MCF2L: variants seen among roughly 807,000 people sequenced by gnomAD.
MCF2L encodes the protein MCF.2 cell line derived transforming sequence like, also known as guanine nucleotide exchange factor DBS.
In MCF2L, 97 loss-of-function variants were observed where a neutral mutation model predicts 153.4. The observed-to-expected ratio is 0.63, with a 90% confidence interval of 0.54 to 0.75. The LOEUF (loss-of-function observed/expected upper bound fraction) is 0.75. MCF2L is among the 30% of genes least tolerant of loss of function. The pLI, the probability that MCF2L is intolerant of heterozygous loss-of-function variation, is 0.00. For synonymous variants in MCF2L, 659 were observed against 632.2 expected (o/e 1.04, Z -0.64); for missense variants, 1,347 against 1,495.2 (o/e 0.90, Z 1.64).
intron 5 of MCF2L, among the ~76,000 whole-genome samples, chr13:113,061,472 C>T (rs1307467374): frequency 6.6e-6 from 1 of 152,102 alleles, no homozygotes. Context: ...CACCGCAGAG[C>T]ACCCCATGGC....
intron 9 of MCF2L, among the ~76,000 whole-genome samples, chr13:113,071,262 G>T (rs1229835794): frequency 6.6e-6 from 1 of 152,130 alleles, no homozygotes; most frequent in Non-Finnish European, 1.5e-5. Context: ...TTGTTTTACG[G>T]TTTTGTTACA....
At chr13:112,927,937 A>C (rs2081424662) in intron 2 of MCF2L, among the ~76,000 whole-genome samples, 1 of 152,262 alleles carries the variant, frequency 6.6e-6, no homozygotes, top group Non-Finnish European at 1.5e-5. Flanking sequence ...CAGGCTATGG[A>C]CTGGATAAGA....
chr13:113,078,057 T>C (rs771657846), intron 13 of MCF2L, among the ~76,000 whole-genome samples: 6 of 144,478 alleles, frequency 4.2e-5, no homozygotes, highest in Non-Finnish European at 7.7e-5. Flanking sequence ...CACCACCACC[T>C]GTGGCCTCAA....
At chr13:113,079,583 G>A (rs530068553) in intron 15 of MCF2L, among the ~76,000 whole-genome samples, 4 of 152,214 alleles carry the variant, frequency 2.6e-5, no homozygotes, top group Admixed American at 6.5e-5. Context: ...CGCAGGCAGC[G>A]CCAGTGTGAC....
intron 4 of MCF2L, among the ~76,000 whole-genome samples, chr13:113,058,478 G>T (rs557125820): frequency 6.6e-6 from 1 of 150,690 alleles, no homozygotes; most frequent in African/African-American, 2.4e-5. Flanking sequence ...GTGCTTAGGT[G>T]CTGTGTGTTT....
At chr13:113,019,731 CT>C (rs746358127) in intron 2 of MCF2L, among the ~76,000 whole-genome samples, 6 of 152,124 alleles carry the variant, frequency 3.9e-5, no homozygotes, top group Non-Finnish European at 7.4e-5. Flanking sequence ...GAGGTGAGGC[CT>C]TTGGGAGGAG....
chr13:112,965,501 G>A (rs12430334), upstream of MCF2L: 888 of 152,296 alleles, frequency 5.8e-3, 10 homozygotes, highest in East Asian at 0.036. Flanking sequence ...GTGTTGTCCC[G>A]CGGGGCTCTC....
Position 113,070,227 on chromosome 13 carries a change from G to A in MCF2L, c.996+54G>A, listed in dbSNP as rs2032761021. The A allele has an allele frequency of 7.9e-7, 1 of 1,259,850 alleles. No homozygotes were observed. The highest frequency in any genetic ancestry group is 1.4e-5 in the South Asian group (1 of 70,280). 78.0% of individuals were successfully genotyped at this position (1,259,850 alleles called of 1,614,324 possible). On this transcript the variant is annotated intron_variant, in intron 9 of 29. Transcript: ENST00000535094. This position sits in a 1 kb window ranked among gnomAD's most constrained non-coding sequence, Gnocchi z 5.6. The stretch of plus-strand genomic sequence containing the variant: ...CGCCCTGATGCTCACGGGGCCTCCT[G>A]TGCCTGCGCCCTGGTCCCAGTGCCG...
intron 21 of MCF2L, among the ~76,000 whole-genome samples, chr13:113,086,609 C>T (rs574614562): frequency 1.3e-5 from 2 of 152,158 alleles, no homozygotes; most frequent in African/African-American, 4.8e-5. Flanking sequence ...TTCTGGGCTG[C>T]GATTTGCAGG....
At chr13:113,044,842 T>C (rs1012803991) in intron 3 of MCF2L, 2 of 1,612,814 alleles carry the variant, frequency 1.2e-6, no homozygotes, top group Non-Finnish European at 1.7e-6. Context: ...GAGTGAATCC[T>C]TAACGTGGAC....
chr13:112,897,261 G>A (rs868525558), intron 1 of MCF2L, among the ~76,000 whole-genome samples: 1 of 150,932 alleles, frequency 6.6e-6, no homozygotes, highest in Non-Finnish European at 1.5e-5. Flanking sequence ...TACGGGACAC[G>A]GTATGGCCAC....
At chr13:112,974,786 A>G (rs541129044) in intron 1 of MCF2L, among the ~76,000 whole-genome samples, 1 of 152,348 alleles carries the variant, frequency 6.6e-6, no homozygotes, top group South Asian at 2.1e-4. Context: ...AAGGCATGCT[A>G]TGTCTGACAA....
At chr13:113,077,303 C>T (rs1205857482) in intron 13 of MCF2L, 92 bp downstream of exon 13, 29 of 1,372,490 alleles carry the variant, frequency 2.1e-5, no homozygotes, top group East Asian at 5.2e-5. Flanking sequence ...CAGCCACCTG[C>T]GAAAACTGTC....
intron 3 of MCF2L, among the ~76,000 whole-genome samples, chr13:113,037,198 G>A (rs546855145): frequency 2.0e-5 from 3 of 152,350 alleles, no homozygotes; most frequent in African/African-American, 7.2e-5. Flanking sequence ...CTTGGCTTGC[G>A]TCCTAAGCTC....
At chr13:112,946,783 A>G (rs906369737) in intron 2 of MCF2L, among the ~76,000 whole-genome samples, 1 of 152,206 alleles carries the variant, frequency 6.6e-6, no homozygotes, top group Non-Finnish European at 1.5e-5. Flanking sequence ...CTAACCCACA[A>G]AAGACTTCAT....
upstream of MCF2L, chr13:112,964,941 C>T (rs1358011206): frequency 6.6e-6 from 1 of 152,208 alleles, no homozygotes; most frequent in South Asian, 2.1e-4. Flanking sequence ...TCATGCATCA[C>T]AACGTAATGG....
At chr13:112,909,282 G>A (rs753760423) in intron 2 of MCF2L, 43 of 779,742 alleles carry the variant, frequency 5.5e-5, no homozygotes, top group South Asian at 4.4e-4. Context: ...ACAGTGAGCT[G>A]GTGTCCTGCC....
intron 26 of MCF2L, 29 bp from the exon 27 acceptor site, chr13:113,094,485 G>T (rs779957940): frequency 1.3e-6 from 2 of 1,594,730 alleles, no homozygotes; most frequent in Non-Finnish European, 1.7e-6. Context: ...ATCACCGGGG[G>T]GTCCCTCACG....
intron 3 of MCF2L, among the ~76,000 whole-genome samples, chr13:113,034,816 G>A (rs1171739769): frequency 6.6e-6 from 1 of 152,218 alleles, no homozygotes; most frequent in African/African-American, 2.4e-5. Flanking sequence ...CTTGGGGAGT[G>A]ACAGTCCCCG....
Sources: gnomAD v4.1 joint callset for allele counts (sites outside exome capture counted in the v4.1 genomes callset) on GRCh38, gnomAD v4.1.1 for gene constraint, Gnocchi (gnomAD v3.1) non-coding constraint, MANE v1.5 for transcripts, NCBI Gene and HGNC (gene_info 2026-07-23, HGNC 2026-07-21) for gene names.